Variants in FGF14 observed in about 807,000 individuals in gnomAD.
FGF14 encodes the protein fibroblast growth factor 14.
In FGF14, 5 loss-of-function variants were observed where a neutral mutation model predicts 25.5. That is an observed-to-expected ratio of 0.20 (90% CI 0.10 to 0.41). FGF14 has a LOEUF of 0.41. FGF14 is among the 10% of genes least tolerant of loss of function. The probability of loss-of-function intolerance (pLI) is 1.00; values close to 1 mark genes in which losing one functional copy is unlikely to be tolerated. For synonymous variants in FGF14, 138 were observed against 118.3 expected (o/e 1.17, Z -1.08); for missense variants, 222 against 320.1 (o/e 0.69, Z 2.34).
Position 102,292,232 on chromosome 13 carries a change from A to C in FGF14, c.208+109239T>G, listed in dbSNP as rs962576991. ...GACAAAAACTGACAGAGTTGAGAGG[A>C]TGTCTCATTTTACCTGCCAAATATT... is the stretch of plus-strand genomic sequence containing the variant. On this transcript the variant is annotated intron_variant, in intron 1 of 4. Coordinates refer to the FGF14 transcript ENST00000376131. 6 of 133,494 alleles carry C rather than the reference A, an allele frequency of 4.5e-5. No individual in the cohort carries two copies. In the South Asian group the frequency reaches 1.3e-3, roughly 29 times the overall value. 8.3% of individuals were successfully genotyped at this position (133,494 alleles called of 1,614,324 possible).
At chr13:102,289,419 T>A (rs754011314) in intron 1 of FGF14, among the ~76,000 whole-genome samples, 12 of 152,164 alleles carry the variant, frequency 7.9e-5, no homozygotes, top group Non-Finnish European at 1.5e-4. Context: ...TTAGGCTTTG[T>A]GCACCAAAAG....
chr13:102,053,158 A>G (rs1324283328), intron 1 of FGF14, among the ~76,000 whole-genome samples: 2 of 152,134 alleles, frequency 1.3e-5, no homozygotes, highest in Non-Finnish European at 2.9e-5. Flanking sequence ...GATCTATAAA[A>G]CAATAAGACA....
intron 1 of FGF14, among the ~76,000 whole-genome samples, chr13:101,992,946 C>T (rs903548200): frequency 7.2e-5 from 11 of 151,926 alleles, no homozygotes; most frequent in Non-Finnish European, 1.3e-4. Context: ...CCAGAATTAA[C>T]GATGGATGTC....
intron 3 of FGF14, among the ~76,000 whole-genome samples, chr13:101,731,394 C>G (rs1379428105): frequency 6.6e-6 from 1 of 152,156 alleles, no homozygotes; most frequent in Non-Finnish European, 1.5e-5. Context: ...AAATCAACAA[C>G]AGATGAGTTC....
chr13:101,802,872 A>G (rs2040965528), intron 3 of FGF14, among the ~76,000 whole-genome samples: 3 of 152,158 alleles, frequency 2.0e-5, no homozygotes, highest in African/African-American at 4.8e-5. Context: ...AGAACAAAAT[A>G]GAGACAAACT....
Position 101,862,151 on chromosome 13 carries a change from G to A in FGF14, c.408+6574C>T, listed in dbSNP as rs181810812. Among the ~76,000 whole-genome samples the A allele has an allele frequency of 5.8e-3, 876 of 152,206 alleles. 5 individuals carry two copies. Among genetic ancestry groups the A allele is most frequent in the Middle Eastern group, 0.031 (9 of 294 alleles). On this transcript the variant is annotated intron_variant, in intron 3 of 4. Coordinates refer to ENST00000376143, the MANE Select transcript of FGF14 (RefSeq NM_004115.4). ...ACCACGTAGAAAGTTAGAATCAGGA[G>A]TCAGGTGGATTCCAGGAACATGGTG...
intron 1 of FGF14, among the ~76,000 whole-genome samples, chr13:102,343,619 C>CATAT (rs1474235983): frequency 6.6e-5 from 10 of 152,320 alleles, no homozygotes; most frequent in African/African-American, 1.9e-4. Context: ...TACAGACAGT[C>CATAT]ATATGCGAGA....
At chr13:102,285,994 G>A (rs1406113439) in intron 1 of FGF14, among the ~76,000 whole-genome samples, 4 of 152,100 alleles carry the variant, frequency 2.6e-5, no homozygotes, top group Admixed American at 6.5e-5. Flanking sequence ...GCATCAAGAA[G>A]GAAGGAAAAC....
In FGF14 at chr13:101,943,826, A is replaced by AATATATATATAT. The variant is rs1206422692; in HGVS notation, c.209-68542_209-68531dup. 5.2e-4 allele frequency among the ~76,000 whole-genome samples: 66 copies of AATATATATATAT among 126,800 alleles called. 1 individual carries two copies. Among genetic ancestry groups the AATATATATATAT allele is most frequent in the African/African-American group, 2.2e-3 (63 of 29,240 alleles). 83.2% of individuals were successfully genotyped at this position (126,800 alleles called of 152,430 possible). ...CTGTCTCTACTTAAAAAAAAAAAAA[A>AATATATATATAT]ATATATATATATATATATTCACAAA... On this transcript the variant is annotated intron_variant, in intron 1 of 4. Coordinates refer to the FGF14 transcript ENST00000376131.
intron 1 of FGF14, among the ~76,000 whole-genome samples, chr13:102,104,729 T>C (rs2044822211): frequency 1.3e-5 from 2 of 152,126 alleles, no homozygotes; most frequent in Admixed American, 6.6e-5. Flanking sequence ...AAGGCTGCAG[T>C]GAGCTGTGAT....
rs2034693641 is a variant in FGF14, at chr13:101,715,761, T to C, written c.*7070A>G. ...CCACTAGGACAGGTTAAAAAGACCA[T>C]TGTATGTTTTTCTATTTCTGAATTA... On this transcript the variant is annotated 3_prime_UTR_variant, in exon 5 of 5. Coordinates refer to ENST00000376143, the MANE Select transcript of FGF14 (RefSeq NM_004115.4). 1.3e-5 allele frequency: 8 copies of C among 633,574 alleles called. No individual in the cohort carries two copies. The highest frequency in any genetic ancestry group is 2.7e-5 in the East Asian group (1 of 37,160). The allele number at this position is 633,574 out of a possible 1,614,324, so 39.2% of individuals were successfully genotyped here.
chr13:101,918,144 G>A (rs1258468042), upstream of FGF14, among the ~76,000 whole-genome samples: 2 of 152,068 alleles, frequency 1.3e-5, no homozygotes, highest in African/African-American at 2.4e-5. Context: ...GTTCCCTCCT[G>A]GATACCTGAA....
intron 1 of FGF14, among the ~76,000 whole-genome samples, chr13:102,259,282 C>T (rs556798735): frequency 1.3e-5 from 2 of 152,354 alleles, no homozygotes; most frequent in South Asian, 4.1e-4. Context: ...AACTGAGCCC[C>T]TCACAGCTCC....
chr13:102,188,694 C>T (rs1197757704), intron 1 of FGF14, among the ~76,000 whole-genome samples: 1 of 152,076 alleles, frequency 6.6e-6, no homozygotes, highest in Non-Finnish European at 1.5e-5. Context: ...AATCCCAGCA[C>T]TTTGGGAGGC....
chr13:102,368,376 G>A (rs2057778159), intron 1 of FGF14, among the ~76,000 whole-genome samples: 1 of 152,068 alleles, frequency 6.6e-6, no homozygotes, highest in Admixed American at 6.5e-5. Context: ...TCACAGAATT[G>A]CTTTCAAAAT....
chr13:102,292,474 G>C (rs886484976), intron 1 of FGF14: 10 of 152,052 alleles, frequency 6.6e-5, no homozygotes, highest in African/African-American at 2.4e-4. Context: ...ATTTTTTAAA[G>C]ATATGTACAT....
At chr13:102,396,888 A>T (rs905801988) in intron 1 of FGF14, among the ~76,000 whole-genome samples, 3 of 152,202 alleles carry the variant, frequency 2.0e-5, no homozygotes, top group Non-Finnish European at 4.4e-5. Context: ...TACAAAACCC[A>T]TTTTGTTACC....
intron 1 of FGF14, among the ~76,000 whole-genome samples, chr13:101,886,060 T>C (rs189929117): frequency 1.9e-4 from 29 of 152,330 alleles, no homozygotes; most frequent in African/African-American, 6.3e-4. Context: ...AAAGACAGTG[T>C]TAAGATCCAA....
intron 1 of FGF14, among the ~76,000 whole-genome samples, chr13:102,148,240 A>T (rs887279598): frequency 2.0e-5 from 3 of 152,192 alleles, no homozygotes; most frequent in Non-Finnish European, 2.9e-5. Flanking sequence ...TGAAACTCCA[A>T]ACTAAGAAAC....
Sources: allele counts gnomAD v4.1 joint callset (sites outside exome capture counted in the v4.1 genomes callset), GRCh38; gene constraint gnomAD v4.1.1; transcripts MANE v1.5; gene names NCBI Gene and HGNC (gene_info 2026-07-23, HGNC 2026-07-21).